The following LY96 variants were observed in gnomAD, a reference collection of about 807,000 sequenced individuals.
The protein encoded by LY96 is lymphocyte antigen 96.
LY96 carries 18 observed loss-of-function variants against 18.9 expected under a neutral mutation model. The ratio of observed to expected loss-of-function variants is 0.95; its 90% CI spans 0.66 to 1.41. The LOEUF (loss-of-function observed/expected upper bound fraction) is 1.41. Among genes scored for constraint, LY96 ranks in the 40% most tolerant of loss-of-function variants. The pLI is 0.00. For missense variants in LY96, 175 were observed against 182.4 expected, an observed-to-expected ratio of 0.96 and a Z score of 0.23; for synonymous variants, 66 against 62.6, an observed-to-expected ratio of 1.06 and a Z score of -0.26.
chr8:74,088,567 T>C, the LY96 span, among the ~76,000 whole-genome samples: 2 of 152,256 alleles, frequency 1.3e-5, no homozygotes, highest in South Asian at 4.1e-4. Flanking sequence ...GACCCTTTCC[T>C]ACTGGGAACC....
rs563186802 is a variant in LY96 at position 73,991,656 on chromosome 8, G to A, written c.112+102G>A. The A allele has an allele frequency of 5.3e-6, 4 of 754,314 alleles. No homozygotes were observed. In the South Asian group the frequency reaches 5.5e-5, roughly 10 times the overall value. The allele number at this position is 754,314 out of a possible 1,614,324, so 46.7% of individuals were successfully genotyped here. ...TGTGGCTGGAACACACGAAACATCA[G>A]TGTGTTCCAGCTGCTGTGGCGGACG... On this transcript the variant is annotated intron_variant, in intron 1 of 4. Coordinates refer to ENST00000284818, the MANE Select transcript of LY96 (RefSeq NM_015364.5).
chr8:74,086,785 A>G, the LY96 span, among the ~76,000 whole-genome samples: 2 of 152,338 alleles, frequency 1.3e-5, no homozygotes, highest in South Asian at 4.1e-4. Context: ...CTTATAAAAG[A>G]GGTGCCAGTG....
At chr8:74,063,025 T>C in the LY96 span, among the ~76,000 whole-genome samples, 11,311 of 152,232 alleles carry the variant, frequency 0.074, 667 homozygotes, top group African/African-American at 0.17. Context: ...AGCTGTGTCA[T>C]TCTGTATCAA....
the LY96 span, among the ~76,000 whole-genome samples, chr8:74,051,276 C>T: frequency 1.3e-5 from 2 of 152,138 alleles, no homozygotes; most frequent in South Asian, 2.1e-4. Flanking sequence ...AACATGCTTT[C>T]AGGCAAAAAG....
At chr8:74,067,305 C>T in the LY96 span, among the ~76,000 whole-genome samples, 1 of 152,172 alleles carries the variant, frequency 6.6e-6, no homozygotes, top group Non-Finnish European at 1.5e-5. Context: ...AATTACACCT[C>T]ACTGTAGCCT....
chr8:74,022,262 A>T (rs1015007804), intron 3 of LY96, among the ~76,000 whole-genome samples: 1 of 151,878 alleles, frequency 6.6e-6, no homozygotes, highest in Non-Finnish European at 1.5e-5. Context: ...ACAAAAGTAG[A>T]TGGGTGTGGT....
At chr8:74,011,249 A>G (rs1816525142) in intron 3 of LY96, among the ~76,000 whole-genome samples, 2 of 152,252 alleles carry the variant, frequency 1.3e-5, no homozygotes, top group African/African-American at 4.8e-5. Context: ...TGGATGAACA[A>G]CTTAAGCATA....
the LY96 span, among the ~76,000 whole-genome samples, chr8:74,052,163 G>T: frequency 6.6e-6 from 1 of 152,308 alleles, no homozygotes; most frequent in South Asian, 2.1e-4. Context: ...GAAGGTTTTT[G>T]CCAGTAGAAG....
chr8:74,014,380 T>TA (rs71269971), intron 3 of LY96, among the ~76,000 whole-genome samples: 31 of 112,354 alleles, frequency 2.8e-4, no homozygotes, highest in South Asian at 5.8e-4. Context: ...CTCCCTGACT[T>TA]AAAAAAAAAA....
chr8:74,006,197 TCTC>T (rs1816406985), intron 2 of LY96, among the ~76,000 whole-genome samples: 1 of 152,120 alleles, frequency 6.6e-6, no homozygotes, highest in Non-Finnish European at 1.5e-5. Flanking sequence ...TCTCTCTCTC[TCTC>T]TTTTTTTCTT....
At chr8:74,026,580 A>G (rs1244407123) in intron 3 of LY96, among the ~76,000 whole-genome samples, 4 of 152,170 alleles carry the variant, frequency 2.6e-5, no homozygotes, top group East Asian at 3.8e-4. Flanking sequence ...CCTAAGGGAT[A>G]AGGTAGGGGC....
chr8:74,001,329 T>A (rs1031502613), intron 1 of LY96, among the ~76,000 whole-genome samples: 1 of 151,792 alleles, frequency 6.6e-6, no homozygotes, highest in African/African-American at 2.4e-5. Flanking sequence ...GTCTGAGTGA[T>A]TCTTGTGCCT....
chr8:74,079,130 G>A, the LY96 span, among the ~76,000 whole-genome samples: 5 of 152,354 alleles, frequency 3.3e-5, no homozygotes, highest in African/African-American at 1.2e-4. Context: ...TGAAGGCCCA[G>A]CTAGAACAGA....
the LY96 span, among the ~76,000 whole-genome samples, chr8:74,075,472 T>C: frequency 1.3e-5 from 2 of 152,192 alleles, no homozygotes; most frequent in African/African-American, 4.8e-5. Context: ...GGTCTTGCTA[T>C]ATTGTCCAGG....
chr8:74,096,432 G>T, the LY96 span, among the ~76,000 whole-genome samples: 1 of 151,986 alleles, frequency 6.6e-6, no homozygotes, highest in African/African-American at 2.4e-5. Flanking sequence ...TGCACCTGTG[G>T]TTCTCTCTGC....
intron 3 of LY96, among the ~76,000 whole-genome samples, chr8:74,025,890 C>T (rs999025759): frequency 6.6e-6 from 1 of 152,066 alleles, no homozygotes; most frequent in East Asian, 1.9e-4. Context: ...CGCCTGTAAT[C>T]TCAGCTACTC....
the LY96 span, among the ~76,000 whole-genome samples, chr8:74,071,970 A>G: frequency 1.3e-5 from 2 of 152,100 alleles, no homozygotes; most frequent in Non-Finnish European, 2.9e-5. Context: ...AAACATTGCT[A>G]ATGGTCTTGT....
chr8:73,995,207 G>A (rs1332017528), intron 1 of LY96, among the ~76,000 whole-genome samples: 1 of 152,154 alleles, frequency 6.6e-6, no homozygotes, highest in Non-Finnish European at 1.5e-5. Flanking sequence ...TCAGATACCA[G>A]CACCTTCACA....
the LY96 span, among the ~76,000 whole-genome samples, chr8:74,065,238 A>G: frequency 6.6e-6 from 1 of 152,224 alleles, no homozygotes; most frequent in East Asian, 1.9e-4. Flanking sequence ...TCTCCTGAAA[A>G]TGTATGAAAC....
Sources: gnomAD v4.1 joint callset for allele counts (sites outside exome capture counted in the v4.1 genomes callset) on GRCh38, gnomAD v4.1.1 for gene constraint, MANE v1.5 for transcripts, NCBI Gene and HGNC (gene_info 2026-07-23, HGNC 2026-07-21) for gene names.